NPTN: variants seen among roughly 807,000 people sequenced by gnomAD.
NPTN encodes the protein neuroplastin.
NPTN carries 5 observed loss-of-function variants against 42.7 expected under a neutral mutation model. The ratio of observed to expected loss-of-function variants is 0.12; its 90% confidence interval spans 0.06 to 0.25. NPTN has a LOEUF of 0.25. Among genes scored for constraint, NPTN ranks in the 10% least tolerant of loss-of-function variants. The pLI is 1.00. For missense variants in NPTN, 307 were observed against 525.4 expected (o/e 0.58, Z 4.06); for synonymous variants, 180 against 201.9 (o/e 0.89, Z 0.92).
chr15:73,616,661 A>T (rs551679863), intron 1 of NPTN, among the ~76,000 whole-genome samples: 1 of 152,280 alleles, frequency 6.6e-6, no homozygotes, highest in East Asian at 1.9e-4. Context: ...AACTTGTTTC[A>T]GGTCTGTATT....
intron 1 of NPTN, among the ~76,000 whole-genome samples, chr15:73,622,374 A>AAATAT (rs1898176187): frequency 6.6e-6 from 1 of 152,122 alleles, no homozygotes; most frequent in African/African-American, 2.4e-5. Flanking sequence ...CCAAGCCCCC[A>AAATAT]GGCACAAATA....
intron 1 of NPTN, among the ~76,000 whole-genome samples, chr15:73,613,255 G>A (rs1181929608): frequency 6.6e-6 from 1 of 152,102 alleles, no homozygotes; most frequent in Non-Finnish European, 1.5e-5. Context: ...AGATTCAAAT[G>A]TATCAAGTCC....
At chr15:73,630,837 T>C (rs1898698243) in intron 1 of NPTN, among the ~76,000 whole-genome samples, 1 of 152,352 alleles carries the variant, frequency 6.6e-6, no homozygotes, top group African/African-American at 2.4e-5. Context: ...TATTACCAGC[T>C]GAAAGCTTGA....
intron 1 of NPTN, among the ~76,000 whole-genome samples, chr15:73,614,006 G>C (rs1897732168): frequency 6.6e-6 from 1 of 151,910 alleles, no homozygotes; most frequent in Non-Finnish European, 1.5e-5. Flanking sequence ...AATTTAAATT[G>C]TAACTTTTTG....
chr15:73,593,401 C>T (rs879111409), intron 2 of NPTN, among the ~76,000 whole-genome samples: 2 of 152,146 alleles, frequency 1.3e-5, no homozygotes, highest in Admixed American at 6.5e-5. Context: ...GAGGTATTTG[C>T]TGTTTGTTTG....
intron 1 of NPTN, among the ~76,000 whole-genome samples, chr15:73,607,137 C>G (rs920241529): frequency 6.6e-6 from 1 of 152,220 alleles, no homozygotes; most frequent in Non-Finnish European, 1.5e-5. Context: ...CTCCCCAGTG[C>G]AGAATCTCAC....
At chr15:73,624,294 C>G (rs1460818572) in intron 1 of NPTN, among the ~76,000 whole-genome samples, 2 of 152,278 alleles carry the variant, frequency 1.3e-5, no homozygotes, top group Non-Finnish European at 2.9e-5. Context: ...CTATTTGAAA[C>G]CTCTTTATAC....
At chr15:73,606,816 T>C (rs1897312608) in intron 1 of NPTN, among the ~76,000 whole-genome samples, 1 of 152,222 alleles carries the variant, frequency 6.6e-6, no homozygotes, top group African/African-American at 2.4e-5. Flanking sequence ...ATTCTTTGCT[T>C]GACCAATATG....
At chr15:73,565,780 G>A (rs1483717480) in intron 6 of NPTN, 2 of 456,334 alleles carry the variant, frequency 4.4e-6, no homozygotes, top group Admixed American at 2.3e-5. Context: ...CGGTGGAACT[G>A]TAGCACACAC....
At position 73,561,939 on chromosome 15, in the gene NPTN, T is replaced by C. The variant is rs1894695384; in HGVS notation, c.1168A>G (p.Lys390Glu). ...KTNSTNNHKD[K>E]NLRQRNTN ...TTTGTGTTTCTCTGGCGCAAGTTTTTATCTTTGTGATTGTTGGTAGAGTTG... is the reference window on the plus strand; with the variant it reads ...TTTGTGTTTCTCTGGCGCAAGTTTTCATCTTTGTGATTGTTGGTAGAGTTG... Residue 390 changes from lysine (K) to glutamate (E), a missense_variant, in exon 8 of 9, where the codon AAA (lysine) becomes GAA (glutamate). Coordinates refer to ENST00000345330, the MANE Select transcript of NPTN (RefSeq NM_012428.4). 3.1e-6 allele frequency: 5 copies of C among 1,597,082 alleles called. No individual in the cohort carries two copies. Among genetic ancestry groups the C allele is most frequent in the Non-Finnish European group, 3.4e-6 (4 of 1,175,646 alleles).
In NPTN at chr15:73,591,749, G is replaced by C. The variant is rs191252019; in HGVS notation, c.611+217C>G. The C allele has an allele frequency of 2.9e-5, 12 of 408,344 alleles. No individual in the cohort carries two copies. The Admixed American group carries it at 4.7e-4, about 16-fold the overall frequency. 25.3% of individuals were successfully genotyped at this position (408,344 alleles called of 1,614,324 possible). A position where few individuals can be genotyped will look rare whatever the true frequency, so the allele number is the denominator to read the frequency against. ...CAGTTTCTCTATGATTATAGTGAGG[G>C]GATCATCTATGATTCTCCAATCTGG... is the stretch of plus-strand genomic sequence containing the variant. On this transcript the variant is annotated intron_variant, in intron 3 of 8. Coordinates refer to ENST00000345330, the MANE Select transcript of NPTN (RefSeq NM_012428.4).
chr15:73,633,065 C>G, intron 1 of NPTN, 60 bp downstream of exon 1: 2 of 1,190,944 alleles, frequency 1.7e-6, no homozygotes, highest in East Asian at 3.1e-5. Context: ...CAGAGCCGGG[C>G]CCCCTCCGGC....
At chr15:73,578,883 C>T (rs1407445011) in intron 4 of NPTN, among the ~76,000 whole-genome samples, 6 of 150,568 alleles carry the variant, frequency 4.0e-5, no homozygotes, top group Non-Finnish European at 7.4e-5. Flanking sequence ...ATCCCAGCTA[C>T]TTGGGAGGCT....
intron 1 of NPTN, among the ~76,000 whole-genome samples, chr15:73,598,539 G>C (rs746675074): frequency 6.6e-6 from 1 of 151,984 alleles, no homozygotes; most frequent in African/African-American, 2.4e-5. Flanking sequence ...CAAAATCAGA[G>C]TGCAAGCATA....
chr15:73,565,938 T>G (rs1166257866), intron 6 of NPTN, among the ~76,000 whole-genome samples: 1 of 152,200 alleles, frequency 6.6e-6, no homozygotes, highest in Non-Finnish European at 1.5e-5. Context: ...AAAGATGGCT[T>G]TAAAGTCCGA....
chr15:73,613,021 G>C (rs1191005832), intron 1 of NPTN, among the ~76,000 whole-genome samples: 1 of 152,160 alleles, frequency 6.6e-6, no homozygotes, highest in Non-Finnish European at 1.5e-5. Context: ...AATTCTGACA[G>C]GGCAACAGGC....
In NPTN at chr15:73,560,016, C is replaced by G. The variant is rs1186696055; in HGVS notation, c.*1047G>C. ...TAGAATAAAGAGTATTATCCAAACA[C>G]CTTTTATCAATGTTTTATTTTTAAA... On this transcript the variant is annotated 3_prime_UTR_variant, in exon 9 of 9. Transcript: ENST00000345330. 9.0e-7 allele frequency: 1 copy of G among 1,117,246 alleles called. No individual in the cohort carries two copies. The highest frequency in any genetic ancestry group is 1.7e-5 in the African/African-American group (1 of 60,326). 69.2% of individuals were successfully genotyped at this position (1,117,246 alleles called of 1,614,324 possible).
intron 1 of NPTN, among the ~76,000 whole-genome samples, chr15:73,624,373 G>A (rs1344388866): frequency 3.3e-5 from 5 of 152,094 alleles, no homozygotes; most frequent in South Asian, 2.1e-4. Flanking sequence ...CTTGATGCAC[G>A]ATTTGAGATT....
intron 1 of NPTN, chr15:73,632,538 T>C (rs115746945): frequency 0.01 from 1,526 of 152,488 alleles, 27 homozygotes; most frequent in African/African-American, 0.035. Flanking sequence ...ACCTTCCCTC[T>C]ATCCCTAGAT....
Sources: gnomAD v4.1 joint callset for allele counts (sites outside exome capture counted in the v4.1 genomes callset) on GRCh38, gnomAD v4.1.1 for gene constraint, MANE v1.5 for transcripts, NCBI Gene and HGNC (gene_info 2026-07-23, HGNC 2026-07-21) for gene names.